The following FOXK1 variants were observed in gnomAD, a reference collection of about 807,000 sequenced individuals.
FOXK1 encodes forkhead box protein K1.
Under a neutral mutation model 51.9 loss-of-function variants are expected in FOXK1, and 19 were observed. The ratio of observed to expected loss-of-function variants is 0.37; its 90% CI spans 0.26 to 0.54. The LOEUF (loss-of-function observed/expected upper bound fraction) is 0.54, where lower values mean the gene tolerates loss of function less well. FOXK1 is among the 20% of genes least tolerant of loss of function. FOXK1 has a pLI of 0.87. For missense variants in FOXK1, 870 were observed against 1,032.7 expected, an observed-to-expected ratio of 0.84 and a Z score of 2.16; for synonymous variants, 537 against 482.6, an observed-to-expected ratio of 1.11 and a Z score of -1.48.
intron 2 of FOXK1, among the ~76,000 whole-genome samples, chr7:4,741,705 T>A (rs1432799870): frequency 6.6e-6 from 1 of 152,260 alleles, no homozygotes. Flanking sequence ...TTGTGAAAAT[T>A]CTCTATGACC....
In FOXK1 at chr7:4,763,101, A is replaced by G. The variant is rs1780959728; in HGVS notation, c.*637A>G. ...TACACCTGAGACAGACACAAAAGGG[A>G]TCATGTATTTTTGAGGATTTTACCT... is the stretch of plus-strand genomic sequence containing the variant. On this transcript the variant is annotated 3_prime_UTR_variant, in exon 9 of 9. Transcript: ENST00000328914. The G allele has an allele frequency of 6.5e-6, 1 of 152,836 alleles. No homozygotes were observed. Among genetic ancestry groups the G allele is most frequent in the Non-Finnish European group, 1.5e-5 (1 of 68,350 alleles). The allele number at this position is 152,836 out of a possible 1,614,324, so 9.5% of individuals were successfully genotyped here. A position where few individuals can be genotyped will look rare whatever the true frequency, so the allele number is the denominator to read the frequency against.
In FOXK1 at chr7:4,755,101, G is replaced by T; in HGVS notation, c.904-136G>T. 9.3e-7 allele frequency: 1 copy of T among 1,069,536 alleles called. No homozygotes were observed. Among genetic ancestry groups the T allele is most frequent in the Non-Finnish European group, 1.3e-6 (1 of 756,982 alleles). 66.3% of individuals were successfully genotyped at this position (1,069,536 alleles called of 1,614,324 possible). On this transcript the variant is annotated intron_variant, in intron 3 of 8. Coordinates refer to ENST00000328914, the MANE Select transcript of FOXK1 (RefSeq NM_001037165.2). This position sits in a 1 kb window ranked among gnomAD's most constrained non-coding sequence, Gnocchi z 6.6. ...ATGCAAGCACATTAATGGGATAGTT[G>T]GAGGGCACTGGGACGGGTGCCGGCA...
At chr7:4,738,365 A>T (rs913349070) in intron 1 of FOXK1, among the ~76,000 whole-genome samples, 2 of 151,142 alleles carry the variant, frequency 1.3e-5, no homozygotes, top group African/African-American at 4.9e-5. Context: ...TGAACCCAGG[A>T]GGTGGAGGTT....
chr7:4,742,357 C>T (rs551882048), intron 2 of FOXK1, among the ~76,000 whole-genome samples: 3 of 152,244 alleles, frequency 2.0e-5, no homozygotes, highest in East Asian at 1.9e-4. Flanking sequence ...TGCTGAACCC[C>T]GGCCGCACCT....
At chr7:4,717,349 G>A (rs536691150) in intron 1 of FOXK1, among the ~76,000 whole-genome samples, 1 of 150,140 alleles carries the variant, frequency 6.7e-6, no homozygotes, top group Admixed American at 6.6e-5. Context: ...GTGTGGCTGG[G>A]AGGCATGTGG....
In FOXK1 at chr7:4,759,352, C is replaced by G; in HGVS notation, c.1453C>G (p.Pro485Ala). 1 of 1,602,138 alleles carries G rather than the reference C, an allele frequency of 6.2e-7. No homozygotes were observed. The highest frequency in any genetic ancestry group is 2.2e-5 in the East Asian group (1 of 44,824). ...CCAGCCAGTGATCATGGCCGTGCCT[C>G]CCCGACCGTCCAGCCTCGTGGCCAA... ...SAQPVIMAVPPRPSSLVAKPV... is the reference protein window; with the variant it reads ...SAQPVIMAVPARPSSLVAKPV... Residue 485 changes from proline to alanine, a missense_variant, in exon 7 of 9, where the codon CCC (proline) becomes GCC (alanine). Around this residue, in one of 3 missense-constraint regions of FOXK1, gnomAD observed 457 missense variants for 510.8 expected, o/e 0.89. Transcript: ENST00000328914.
chr7:4,688,973 C>A (rs1484349246), intron 1 of FOXK1, among the ~76,000 whole-genome samples: 1 of 151,316 alleles, frequency 6.6e-6, no homozygotes, highest in East Asian at 1.9e-4. Flanking sequence ...TTTGTTCTCA[C>A]CTGCACTTTT....
In FOXK1 at chr7:4,759,363, C is replaced by T; in HGVS notation, c.1464C>T (p.Ser488=). Reference sequence around the variant, plus strand: ...TCATGGCCGTGCCTCCCCGACCGTCCAGCCTCGTGGCCAAGCCCGTGGCCT... The same window carrying T: ...TCATGGCCGTGCCTCCCCGACCGTCTAGCCTCGTGGCCAAGCCCGTGGCCT... ...PVIMAVPPRP[S]SLVAKPVAYM... is the part of the protein sequence containing the mutation. Residue 488 remains serine (S), a synonymous_variant, in exon 7 of 9, where the codon TCC becomes TCT. Transcript: ENST00000328914. 1 of 1,602,602 alleles carries T rather than the reference C, an allele frequency of 6.2e-7. No homozygotes were observed.
intron 2 of FOXK1, among the ~76,000 whole-genome samples, chr7:4,751,972 A>T (rs1221095056): frequency 1.3e-5 from 2 of 152,014 alleles, no homozygotes; most frequent in African/African-American, 2.4e-5. Context: ...TTGTTTTTTG[A>T]GATAAGGTCT....
Position 4,730,902 on chromosome 7 carries a change from C to T in FOXK1, c.561-9936C>T, listed in dbSNP as rs1227756032. 6.6e-6 allele frequency among the ~76,000 whole-genome samples: 1 copy of T among 152,170 alleles called. No homozygotes were observed. The stretch of plus-strand genomic sequence containing the variant: ...TTTCCTGAGGATGGGCGCGGTGGCT[C>T]ACTCCTGCAATCCCAGCACTTTGGG... On this transcript the variant is annotated intron_variant, in intron 1 of 8. Transcript: ENST00000328914. The surrounding 1 kb of genome is among the most constrained non-coding windows in gnomAD (Gnocchi z 4.7).
intron 1 of FOXK1, among the ~76,000 whole-genome samples, chr7:4,736,225 A>C (rs188266703): frequency 3.3e-5 from 5 of 152,304 alleles, no homozygotes; most frequent in Middle Eastern, 3.4e-3. Flanking sequence ...CTGCCTCAGG[A>C]CAATCACTGT....
At position 4,724,475 on chromosome 7, in the gene FOXK1, C is replaced by T. The variant is rs141967213; in HGVS notation, c.561-16363C>T. On this transcript the variant is annotated intron_variant, in intron 1 of 8. Transcript: ENST00000328914. ...CCTCCCAAAGTGCTGGGATTACAGG[C>T]GTGAGCCACTGTGCCTGGCCCAGAG... 4.7e-3 allele frequency among the ~76,000 whole-genome samples: 721 copies of T among 152,348 alleles called. 4 individuals carry two copies. Among genetic ancestry groups the T allele is most frequent in the African/African-American group, 0.016 (667 of 41,582 alleles).
intron 1 of FOXK1, among the ~76,000 whole-genome samples, chr7:4,727,831 C>G (rs1037344789): frequency 5.3e-5 from 8 of 152,236 alleles, no homozygotes; most frequent in Non-Finnish European, 1.0e-4. Flanking sequence ...CAGAGAACCT[C>G]TCCTGTGGCC....
At chr7:4,713,500 G>GT (rs1226170113) in intron 1 of FOXK1, among the ~76,000 whole-genome samples, 1,812 of 141,764 alleles carry the variant, frequency 0.013, 41 homozygotes, top group African/African-American at 0.044. Context: ...TTTTTTTTTT[G>GT]TTTTTTTTTT....
intron 1 of FOXK1, among the ~76,000 whole-genome samples, chr7:4,739,700 T>A (rs57323934): frequency 0.035 from 5,378 of 152,184 alleles, 325 homozygotes; most frequent in African/African-American, 0.12. Flanking sequence ...AAGCTCTGGG[T>A]GGATAATGCA....
intron 1 of FOXK1, among the ~76,000 whole-genome samples, chr7:4,727,031 A>C (rs1780389517): frequency 6.6e-6 from 1 of 152,104 alleles, no homozygotes; most frequent in Admixed American, 6.5e-5. Flanking sequence ...TGCAGCCTTG[A>C]ATTCCTGGGC....
chr7:4,688,307 A>G (rs2115027909), intron 1 of FOXK1, among the ~76,000 whole-genome samples: 1 of 151,874 alleles, frequency 6.6e-6, no homozygotes, highest in Non-Finnish European at 1.5e-5. Context: ...TCACACCTAA[A>G]AAATGAATAA....
In FOXK1 at chr7:4,762,230, C is replaced by T. The variant is rs112910907; in HGVS notation, c.1968C>T (p.Ser656=). The T allele has an allele frequency of 3.2e-4, 503 of 1,554,644 alleles. 3 individuals are homozygous for T. In the African/African-American group the frequency reaches 4.8e-3, roughly 15 times the overall value. The change falls in exon 9 of 9, where the codon TCC becomes TCT. Residue 656 remains serine (S), a synonymous_variant. Coordinates refer to ENST00000328914, the MANE Select transcript of FOXK1 (RefSeq NM_001037165.2). The surrounding 1 kb of genome is among the most constrained non-coding windows in gnomAD (Gnocchi z 5.7). ...TCCTTGCGACCCAAGCGAGTTCATCCGCGCCGGTGGTGGTCACCCGGGTGT... is the reference window on the plus strand; with the variant it reads ...TCCTTGCGACCCAAGCGAGTTCATCTGCGCCGGTGGTGGTCACCCGGGTGT... ...LQLLATQASS[S]APVVVTRVCE...
intron 1 of FOXK1, among the ~76,000 whole-genome samples, chr7:4,714,863 C>T (rs867367717): frequency 3.3e-5 from 5 of 152,284 alleles, no homozygotes; most frequent in Middle Eastern, 3.4e-3. Flanking sequence ...GTTTTGTCCA[C>T]CTGAGTCCGA....
Sources: gnomAD v4.1 joint callset for allele counts (sites outside exome capture counted in the v4.1 genomes callset) on GRCh38, gnomAD v4.1.1 for gene constraint, gnomAD v4.1.1 regional missense constraint, Gnocchi (gnomAD v3.1) non-coding constraint, MANE v1.5 for transcripts, NCBI Gene and HGNC (gene_info 2026-07-23, HGNC 2026-07-21) for gene names.